NEBL: variants seen among roughly 807,000 people sequenced by gnomAD.
The protein encoded by NEBL is LIM and SH3 protein 2.
In NEBL, 122 loss-of-function variants were observed where a neutral mutation model predicts 140.2. The ratio of observed to expected loss-of-function variants is 0.87; its 90% CI spans 0.75 to 1.01. NEBL has a LOEUF of 1.01. Ranked by LOEUF, NEBL falls within the 50% of genes least tolerant of loss-of-function variation. The pLI, the probability that NEBL is intolerant of heterozygous loss-of-function variation, is 0.00. For synonymous variants in NEBL, 436 were observed against 398.9 expected (o/e 1.09, Z -1.11); for missense variants, 1,365 against 1,231.3 (o/e 1.11, Z -1.62).
intron 1 of NEBL, among the ~76,000 whole-genome samples, chr10:21,277,242 T>C (rs948711549): frequency 2.1e-5 from 3 of 144,952 alleles, no homozygotes; most frequent in Non-Finnish European, 3.0e-5. Context: ...GGAGTCTCGC[T>C]CTGTCGCCCA....
intron 3 of NEBL, among the ~76,000 whole-genome samples, chr10:20,985,364 G>A (rs1038221950): frequency 2.0e-5 from 3 of 152,052 alleles, no homozygotes; most frequent in Non-Finnish European, 4.4e-5. Flanking sequence ...TAGGCTAGGT[G>A]GTCAAGGAAA....
intron 26 of NEBL, among the ~76,000 whole-genome samples, chr10:20,802,716 G>A (rs1837230582): frequency 6.6e-6 from 1 of 152,114 alleles, no homozygotes; most frequent in Non-Finnish European, 1.5e-5. Flanking sequence ...TGAGTTGATT[G>A]TTCAACCCTT....
chr10:21,158,871 A>G (rs1032748513), intron 2 of NEBL, among the ~76,000 whole-genome samples: 2 of 152,164 alleles, frequency 1.3e-5, no homozygotes, highest in African/African-American at 4.8e-5. Context: ...TTTTTCTGTC[A>G]TCGTTTATTA....
At chr10:20,914,051 T>G (rs543133396) in intron 4 of NEBL, among the ~76,000 whole-genome samples, 15 of 152,202 alleles carry the variant, frequency 9.9e-5, no homozygotes, top group Admixed American at 9.8e-4. Context: ...GCACAGACTA[T>G]GAATCAATCA....
intron 2 of NEBL, among the ~76,000 whole-genome samples, chr10:21,079,615 TAGA>T (rs1257283098): frequency 6.6e-6 from 1 of 152,162 alleles, no homozygotes; most frequent in Non-Finnish European, 1.5e-5. Context: ...CTCACCCAAA[TAGA>T]AGGACAAAAG....
intron 2 of NEBL, among the ~76,000 whole-genome samples, chr10:21,040,114 T>A (rs780619167): frequency 6.6e-6 from 1 of 152,190 alleles, no homozygotes; most frequent in Admixed American, 6.5e-5. Flanking sequence ...ACACCTGCAA[T>A]CCCAGCACTT....
At chr10:21,031,657 A>G (rs1379313203) in intron 2 of NEBL, among the ~76,000 whole-genome samples, 1 of 152,224 alleles carries the variant, frequency 6.6e-6, no homozygotes, top group Admixed American at 6.5e-5. Flanking sequence ...AGAACAGAAC[A>G]GAGTCAGCCA....
At chr10:20,937,480 G>C (rs373008496) in intron 4 of NEBL, among the ~76,000 whole-genome samples, 2 of 152,262 alleles carry the variant, frequency 1.3e-5, no homozygotes, top group East Asian at 3.9e-4. Context: ...TGGTCGAATA[G>C]GAACAGCTCC....
At chr10:20,895,802 G>T (rs1438474650) in intron 2 of NEBL, among the ~76,000 whole-genome samples, 1 of 152,184 alleles carries the variant, frequency 6.6e-6, no homozygotes, top group Non-Finnish European at 1.5e-5. Flanking sequence ...AATTGTGATT[G>T]GATGGATGTA....
intron 2 of NEBL, among the ~76,000 whole-genome samples, chr10:21,047,387 G>A (rs1485808772): frequency 6.6e-6 from 1 of 152,000 alleles, no homozygotes; most frequent in Non-Finnish European, 1.5e-5. Context: ...AGGAGAATGG[G>A]ACAGAAAAAA....
At chr10:21,029,437 C>T in intron 2 of NEBL, 1 of 1,611,560 alleles carries the variant, frequency 6.2e-7, no homozygotes, top group Non-Finnish European at 8.5e-7. Flanking sequence ...ATTTGAGGAC[C>T]TGGATTCCCT....
rs901303634 is a variant in NEBL, at chr10:20,782,617, A to C, written c.*3130T>G. 2.0e-5 allele frequency: 3 copies of C among 152,244 alleles called. No homozygotes were observed. Among genetic ancestry groups the C allele is most frequent in the Non-Finnish European group, 2.9e-5 (2 of 68,064 alleles). 9.4% of individuals were successfully genotyped at this position (152,244 alleles called of 1,614,324 possible). On this transcript the variant is annotated 3_prime_UTR_variant, in exon 28 of 28. Transcript: ENST00000377122. ...GAGAGGGGCTGGTCTAATCTTATCC[A>C]TATTCCTACAAGGTGCTTGTGGAAA...
chr10:21,043,061 C>T (rs1257213478), intron 2 of NEBL, among the ~76,000 whole-genome samples: 2 of 152,314 alleles, frequency 1.3e-5, no homozygotes, highest in East Asian at 3.9e-4. Flanking sequence ...ACCAATATCT[C>T]CCTGTAACCT....
chr10:20,817,580 AG>A lies in NEBL; in HGVS notation c.2148+19del, dbSNP rs774974609. 2.7e-5 allele frequency: 43 copies of A among 1,576,976 alleles called. No homozygotes were observed. The Middle Eastern group carries it at 5.0e-4, about 18-fold the overall frequency. On this transcript the variant is annotated intron_variant, in intron 21 of 27. Coordinates refer to ENST00000377122, the MANE Select transcript of NEBL (RefSeq NM_006393.3). ...AATGCATTTGATAGTGTAAGAAAAA[AG>A]TTACTAAGATGATCACACATTGCTG... is the stretch of plus-strand genomic sequence containing the variant.
chr10:21,181,628 C>T (rs917558276), intron 3 of NEBL, among the ~76,000 whole-genome samples: 18 of 152,200 alleles, frequency 1.2e-4, no homozygotes, highest in Non-Finnish European at 1.9e-4. Context: ...CTGACCTTTC[C>T]GGGTGAGCTT....
At chr10:20,885,254 C>T (rs1846404640) in intron 4 of NEBL, among the ~76,000 whole-genome samples, 1 of 146,286 alleles carries the variant, frequency 6.8e-6, no homozygotes, top group Non-Finnish European at 1.5e-5. Context: ...ACTTTCTTGC[C>T]CCGCTTATTA....
Position 21,280,710 on chromosome 10 carries a change from G to A in NEBL, n.182+12120C>T, listed in dbSNP as rs182853705. On this transcript the variant is annotated intron_variant and non_coding_transcript_variant, in intron 1 of 8. Transcript: ENST00000675702. ...GCTCACTGTAACCTCCACCTCCCAG[G>A]TTCAAGCGATTCTCCTGCCTCAGCC... 3.7e-3 allele frequency among the ~76,000 whole-genome samples: 541 copies of A among 146,716 alleles called. 2 individuals are homozygous for A. The highest frequency in any genetic ancestry group is 6.8e-3 in the Middle Eastern group (2 of 292).
Position 20,897,252 on chromosome 10 carries a change from G to T in NEBL, c.-47C>A. The T allele has an allele frequency of 2.0e-6, 3 of 1,532,432 alleles. No homozygotes were observed. Among genetic ancestry groups the T allele is most frequent in the Non-Finnish European group, 2.6e-6 (3 of 1,144,078 alleles). 94.9% of individuals were successfully genotyped at this position (1,532,432 alleles called of 1,614,324 possible). A position where few individuals can be genotyped will look rare whatever the true frequency, so the allele number is the denominator to read the frequency against. ...TATTTTTAAAATTTACTCATGTGGCGTCCTTTTCCATACCACAGTGCCCTT... is the reference window on the plus strand; with the variant it reads ...TATTTTTAAAATTTACTCATGTGGCTTCCTTTTCCATACCACAGTGCCCTT... On this transcript the variant is annotated 5_prime_UTR_variant, in exon 1 of 28. Transcript: ENST00000377122.
At chr10:20,795,847 A>G (rs1836453953) in intron 26 of NEBL, among the ~76,000 whole-genome samples, 1 of 152,188 alleles carries the variant, frequency 6.6e-6, no homozygotes, top group Non-Finnish European at 1.5e-5. Flanking sequence ...AATATATGAA[A>G]GATTTAGTTG....
Sources: gnomAD v4.1 joint callset for allele counts (sites outside exome capture counted in the v4.1 genomes callset) on GRCh38, gnomAD v4.1.1 for gene constraint, MANE v1.5 for transcripts, NCBI Gene and HGNC (gene_info 2026-07-23, HGNC 2026-07-21) for gene names.